Variants in MMS22L observed in about 807,000 individuals in gnomAD.
MMS22L encodes MMS22 like, DNA repair protein.
In MMS22L, 74 loss-of-function variants were observed where a neutral mutation model predicts 159.1. That is an observed-to-expected ratio of 0.47 (90% CI 0.39 to 0.56). The LOEUF (loss-of-function observed/expected upper bound fraction) is 0.56. Among genes scored for constraint, MMS22L ranks in the 20% least tolerant of loss-of-function variants. The pLI, the probability that MMS22L is intolerant of heterozygous loss-of-function variation, is 0.00. For synonymous variants in MMS22L, 517 were observed against 506.9 expected, an observed-to-expected ratio of 1.02 and a Z score of -0.27; for missense variants, 1,351 against 1,422.1, an observed-to-expected ratio of 0.95 and a Z score of 0.80.
intron 8 of MMS22L, chr6:97,264,993 A>C (rs1230928634): frequency 6.6e-6 from 1 of 152,188 alleles, no homozygotes; most frequent in Non-Finnish European, 1.5e-5. Flanking sequence ...GATTCAATGA[A>C]ATCCCTACCA....
At chr6:97,247,834 T>C (rs1040833172) in intron 10 of MMS22L, among the ~76,000 whole-genome samples, 6 of 152,226 alleles carry the variant, frequency 3.9e-5, no homozygotes, top group Non-Finnish European at 7.3e-5. Context: ...AATATGCTGT[T>C]CAGAGGCATG....
At chr6:97,238,931 A>AG (rs1227446271) in intron 11 of MMS22L, among the ~76,000 whole-genome samples, 20 of 127,798 alleles carry the variant, frequency 1.6e-4, no homozygotes, top group Non-Finnish European at 2.6e-4. Flanking sequence ...AAAAAAAAAA[A>AG]AAGAAAAAAG....
chr6:97,149,961 G>A lies in MMS22L; in HGVS notation c.3542C>T (p.Thr1181Ile). ...AACCTGCTGGTCCAATGTTGCTACT[G>A]TTTCTAAAATGCTGTAAACCTGGTA... ...YYYQVYSILE[T>I]VATLDQQVVI... The change falls in exon 24 of 25, where the codon ACA (threonine) becomes ATA (isoleucine). Residue 1181 changes from threonine (T) to isoleucine (I), a missense_variant. Coordinates refer to ENST00000683635, the MANE Select transcript of MMS22L (RefSeq NM_001350599.2). 3 of 1,613,582 alleles carry A rather than the reference G, an allele frequency of 1.9e-6. No individual in the cohort carries two copies. In the East Asian group the frequency reaches 6.7e-5, roughly 36 times the overall value.
intron 9 of MMS22L, chr6:97,260,380 GT>G (rs1814330472): frequency 6.6e-6 from 1 of 151,736 alleles, no homozygotes; most frequent in Non-Finnish European, 1.5e-5. Context: ...TATTCCCTTA[GT>G]TGTTTTCAAC....
At chr6:97,160,430 A>C (rs1398801379) in intron 22 of MMS22L, among the ~76,000 whole-genome samples, 1 of 152,036 alleles carries the variant, frequency 6.6e-6, no homozygotes, top group Non-Finnish European at 1.5e-5. Context: ...TGTGAATGCT[A>C]TCCCACTGTC....
At chr6:97,236,235 AG>A (rs1362273512) in intron 11 of MMS22L, among the ~76,000 whole-genome samples, 1 of 151,018 alleles carries the variant, frequency 6.6e-6, no homozygotes, top group Non-Finnish European at 1.5e-5. Context: ...AGGCCAAAGC[AG>A]GAAAATCGCT....
intron 8 of MMS22L, chr6:97,265,575 C>G (rs1191027383): frequency 6.6e-6 from 1 of 151,870 alleles, no homozygotes; most frequent in Non-Finnish European, 1.5e-5. Flanking sequence ...GGGAAAATCT[C>G]GAGAATGGAA....
chr6:97,150,513 T>C (rs114314013), intron 23 of MMS22L, among the ~76,000 whole-genome samples: 3,038 of 152,264 alleles, frequency 0.02, 103 homozygotes, highest in African/African-American at 0.069. Context: ...AGAAGGTCTT[T>C]ATAAATAAAA....
chr6:97,146,666 C>A lies in MMS22L; in HGVS notation c.*140G>T. 2.0e-6 allele frequency: 1 copy of A among 500,244 alleles called. No individual in the cohort carries two copies. 31.0% of individuals were successfully genotyped at this position (500,244 alleles called of 1,614,324 possible). A position where few individuals can be genotyped will look rare whatever the true frequency, so the allele number is the denominator to read the frequency against. On this transcript the variant is annotated 3_prime_UTR_variant, in exon 25 of 25. Transcript: ENST00000683635. ...CAGTTCCTTATTTATACATTTTTTA[C>A]TTACAGATATAAAAGGAAAAAAAAT...
chr6:97,191,659 T>C (rs1805878169), intron 14 of MMS22L, among the ~76,000 whole-genome samples: 1 of 152,156 alleles, frequency 6.6e-6, no homozygotes, highest in South Asian at 2.1e-4. Context: ...GAGTAATTAT[T>C]CCAAGTATCT....
chr6:97,166,798 C>T (rs907676382), intron 20 of MMS22L, among the ~76,000 whole-genome samples: 13 of 152,086 alleles, frequency 8.5e-5, no homozygotes, highest in African/African-American at 3.1e-4. Flanking sequence ...CCAGACTCTC[C>T]TGCTGCTCAC....
chr6:97,207,564 C>CT (rs1368529028), intron 14 of MMS22L, among the ~76,000 whole-genome samples: 2 of 152,166 alleles, frequency 1.3e-5, no homozygotes, highest in African/African-American at 4.8e-5. Context: ...ACTTGAGGCT[C>CT]TCCTCTCTCT....
chr6:97,151,522 T>C (rs1801313896), intron 23 of MMS22L: 1 of 415,622 alleles, frequency 2.4e-6, no homozygotes, highest in African/African-American at 2.0e-5. Flanking sequence ...ACATGACTGT[T>C]CATGCAAGAT....
rs67620002 is a variant in MMS22L, at chr6:97,189,551, C to CAAAA, written c.2040-2865_2040-2862dup. On this transcript the variant is annotated intron_variant, in intron 14 of 24. Coordinates refer to ENST00000683635, the MANE Select transcript of MMS22L (RefSeq NM_001350599.2). ...CTGGGCAACAGCGAGACTCTGTCTC[C>CAAAA]AAAAAAAAAAAAAAAAAAAAAAAAA... 4.7e-4 allele frequency among the ~76,000 whole-genome samples: 26 copies of CAAAA among 55,212 alleles called. 1 individual carries two copies. The highest frequency in any genetic ancestry group is 0.024 in the Middle Eastern group (1 of 42). The allele number at this position is 55,212 out of a possible 152,430, so 36.2% of individuals were successfully genotyped here. A position where few individuals can be genotyped will look rare whatever the true frequency, so the allele number is the denominator to read the frequency against.
chr6:97,206,447 C>T (rs1450036210), intron 14 of MMS22L, among the ~76,000 whole-genome samples: 1 of 151,656 alleles, frequency 6.6e-6, no homozygotes. Context: ...ACATGTCTCA[C>T]ATTAAATTTA....
Position 97,168,094 on chromosome 6 carries a change from T to G in MMS22L, c.2986A>C (p.Lys996Gln). ...LPAPMLSAIQ[K>Q]SLPLYLQGMC... ...ACCTGGAGATACAAAGGAAGACTTT[T>G]CTGAATTGCTGACAACATAGGTGCA... Residue 996 changes from lysine (K) to glutamine (Q), a missense_variant, in exon 20 of 25, where the codon AAA (lysine) becomes CAA (glutamine). Transcript: ENST00000683635. The G allele has an allele frequency of 6.2e-7, 1 of 1,610,860 alleles. No homozygotes were observed. Among genetic ancestry groups the G allele is most frequent in the Non-Finnish European group, 8.5e-7 (1 of 1,178,650 alleles).
intron 15 of MMS22L, among the ~76,000 whole-genome samples, chr6:97,183,681 G>A (rs1438833389): frequency 6.6e-6 from 1 of 152,108 alleles, no homozygotes. Context: ...ATCACAAGCT[G>A]CTACCACATT....
intron 24 of MMS22L, among the ~76,000 whole-genome samples, chr6:97,148,533 A>C (rs1390180338): frequency 6.6e-6 from 1 of 151,926 alleles, no homozygotes; most frequent in Admixed American, 6.6e-5. Flanking sequence ...GCTCAGGCTA[A>C]TGCGTGTGTG....
At chr6:97,200,013 CCT>C (rs1199664735) in intron 14 of MMS22L, among the ~76,000 whole-genome samples, 1 of 152,018 alleles carries the variant, frequency 6.6e-6, no homozygotes, top group Non-Finnish European at 1.5e-5. Context: ...AATTTCTCTC[CCT>C]GACTCCTCTT....
Sources: allele counts gnomAD v4.1 joint callset (sites outside exome capture counted in the v4.1 genomes callset), GRCh38; gene constraint gnomAD v4.1.1; transcripts MANE v1.5; gene names NCBI Gene and HGNC (gene_info 2026-07-23, HGNC 2026-07-21).